Variants in NFIX observed in about 807,000 individuals in gnomAD.
NFIX encodes nuclear factor 1 X-type.
Under a neutral mutation model 53.3 loss-of-function variants are expected in NFIX, and 2 were observed. That is an observed-to-expected ratio of 0.04 (90% CI 0.02 to 0.12). The LOEUF is 0.12. Among genes scored for constraint, NFIX ranks in the 10% least tolerant of loss-of-function variants. The probability of loss-of-function intolerance (pLI) is 1.00; values close to 1 mark genes in which losing one functional copy is unlikely to be tolerated. For missense variants in NFIX, 310 were observed against 674.5 expected, an observed-to-expected ratio of 0.46 and a Z score of 5.99; for synonymous variants, 244 against 289.0, an observed-to-expected ratio of 0.84 and a Z score of 1.58.
rs2016585893 is a variant in NFIX, at chr19:13,068,783, G to A, written c.560-4264G>A. ...TGCAAAGTGGCCAGAACCATGGGCA[G>A]GGGAGGCCTCTGCCTCAGAGACATG... On this transcript the variant is annotated intron_variant, in intron 2 of 10. Transcript: ENST00000592199. This position sits in a 1 kb window ranked among gnomAD's most constrained non-coding sequence, Gnocchi z 4.2. Among the ~76,000 whole-genome samples the A allele has an allele frequency of 1.3e-5, 2 of 152,352 alleles. No individual in the cohort carries two copies. The highest frequency in any genetic ancestry group is 4.1e-4 in the South Asian group (2 of 4,830).
chr19:13,021,285 C>G lies in NFIX; in HGVS notation c.28-3736C>G, dbSNP rs1245846646. On this transcript the variant is annotated intron_variant, in intron 1 of 10. Coordinates refer to ENST00000592199, the MANE Select transcript of NFIX (RefSeq NM_001365902.3). This position sits in a 1 kb window ranked among gnomAD's most constrained non-coding sequence, Gnocchi z 4.2. ...TCTGATACCACCTGCCTTCTGTACT[C>G]TCACCTCTAACCGTTTCTTTCAGGG... 6.6e-6 allele frequency among the ~76,000 whole-genome samples: 1 copy of G among 152,150 alleles called. No individual in the cohort carries two copies. Among genetic ancestry groups the G allele is most frequent in the Non-Finnish European group, 1.5e-5 (1 of 68,024 alleles).
chr19:13,069,096 C>T (rs1482175650), intron 2 of NFIX, among the ~76,000 whole-genome samples: 1 of 152,236 alleles, frequency 6.6e-6, no homozygotes, highest in East Asian at 1.9e-4. Flanking sequence ...CCAGCACCAG[C>T]ATGGAGGGAA....
chr19:13,055,539 G>A (rs1200759813), intron 2 of NFIX, among the ~76,000 whole-genome samples: 2 of 152,218 alleles, frequency 1.3e-5, no homozygotes, highest in Non-Finnish European at 2.9e-5. Context: ...ACATGTGTCT[G>A]TGGAGTGAGG....
Position 13,025,617 on chromosome 19 carries a change from T to C in NFIX, c.559+65T>C, listed in dbSNP as rs1348308041. ...TCCTTGCTGGCATTTGTTCTGTTTA[T>C]TGTTCCTCTAATTTCCAAGCGATAA... On this transcript the variant is annotated intron_variant, in intron 2 of 10. Transcript: ENST00000592199. This position sits in a 1 kb window ranked among gnomAD's most constrained non-coding sequence, Gnocchi z 7.5. 5 of 1,551,890 alleles carry C rather than the reference T, an allele frequency of 3.2e-6. No homozygotes were observed. The Admixed American group carries it at 7.0e-5, about 22-fold the overall frequency.
rs1014309306 is a variant in NFIX at position 13,002,581 on chromosome 19, G to A, written c.27+6717G>A. Among the ~76,000 whole-genome samples the A allele has an allele frequency of 3.9e-5, 6 of 152,166 alleles. No homozygotes were observed. The highest frequency in any genetic ancestry group is 1.4e-4 in the African/African-American group (6 of 41,450). On this transcript the variant is annotated intron_variant, in intron 1 of 10. Coordinates refer to ENST00000592199, the MANE Select transcript of NFIX (RefSeq NM_001365902.3). This position sits in a 1 kb window ranked among gnomAD's most constrained non-coding sequence, Gnocchi z 6.1. The stretch of plus-strand genomic sequence containing the variant: ...CCGGCGGGGCGGGCGGGCAGGGAGG[G>A]GTCGGGGGCACGGAGCTGGGGTGTC...
rs1245108571 is a variant in NFIX at position 13,013,083 on chromosome 19, A to C, written c.28-11938A>C. Among the ~76,000 whole-genome samples, 1 of 151,812 alleles carries C rather than the reference A, an allele frequency of 6.6e-6. No homozygotes were observed. The highest frequency in any genetic ancestry group is 1.5e-5 in the Non-Finnish European group (1 of 67,926). On this transcript the variant is annotated intron_variant, in intron 1 of 10. Coordinates refer to ENST00000592199, the MANE Select transcript of NFIX (RefSeq NM_001365902.3). The surrounding 1 kb of genome is among the most constrained non-coding windows in gnomAD (Gnocchi z 5.9). ...AGACTCTAAAAAAAAAACCTTTAAA[A>C]ACCCAAAACCTCCCCTCCAAGTCCC...
At chr19:13,087,898 C>T in intron 8 of NFIX, 91 bp from the exon 9 acceptor site, 1 of 1,479,720 alleles carries the variant, frequency 6.8e-7, no homozygotes, top group Non-Finnish European at 9.1e-7. Context: ...GGAGCGCCCG[C>T]TCTCAGGAGC....
chr19:13,094,678 A>C lies in NFIX; in HGVS notation c.*29A>C, dbSNP rs1355004938. ...GATCGACAAAAGAAACAACAAAATG[A>C]GAAGAAGAGGTTCCTCGAAAGGGGG... On this transcript the variant is annotated 3_prime_UTR_variant, in exon 11 of 11. Coordinates refer to ENST00000592199, the MANE Select transcript of NFIX (RefSeq NM_001365902.3). The surrounding 1 kb of genome is among the most constrained non-coding windows in gnomAD (Gnocchi z 4.3). The C allele has an allele frequency of 6.5e-7, 1 of 1,534,498 alleles. No homozygotes were observed. The highest frequency in any genetic ancestry group is 1.2e-5 in the South Asian group (1 of 84,008).
At chr19:13,018,344 G>GGC (rs2012781122) in intron 1 of NFIX, among the ~76,000 whole-genome samples, 1 of 117,218 alleles carries the variant, frequency 8.5e-6, no homozygotes, top group Admixed American at 8.0e-5. Context: ...GCGGGGGGGG[G>GGC]GGGGGGGCGC....
At position 13,045,693 on chromosome 19, in the gene NFIX, C is replaced by T. The variant is rs531092109; in HGVS notation, c.559+20141C>T. Among the ~76,000 whole-genome samples the T allele has an allele frequency of 2.0e-5, 3 of 152,164 alleles. No individual in the cohort carries two copies. The highest frequency in any genetic ancestry group is 4.4e-5 in the Non-Finnish European group (3 of 68,012). On this transcript the variant is annotated intron_variant, in intron 2 of 10. Transcript: ENST00000592199. The surrounding 1 kb of genome is among the most constrained non-coding windows in gnomAD (Gnocchi z 4.4). ...TGGGTTGACAACTGCACTGTGTTGA[C>T]CCCATGGCGGGCATCAGGGGACCAC...
At chr19:13,056,797 A>C (rs1036774180) in intron 2 of NFIX, among the ~76,000 whole-genome samples, 1 of 152,250 alleles carries the variant, frequency 6.6e-6, no homozygotes, top group African/African-American at 2.4e-5. Context: ...AAGAATTTCA[A>C]GACAGCAACA....
chr19:13,082,994 C>T (rs1235591867), intron 8 of NFIX, among the ~76,000 whole-genome samples: 3 of 152,234 alleles, frequency 2.0e-5, no homozygotes, highest in Non-Finnish European at 4.4e-5. Context: ...CGCCTCCTCA[C>T]TCTGTCCCTA....
rs1396666525 is a variant in NFIX at position 13,044,940 on chromosome 19, C to A, written c.559+19388C>A. ...GGCTAAGGAGATCTGGGACAAGAGG[C>A]AGGTCAGGTTCCGGGGGTGAGGAGT... On this transcript the variant is annotated intron_variant, in intron 2 of 10. Coordinates refer to ENST00000592199, the MANE Select transcript of NFIX (RefSeq NM_001365902.3). Among the ~76,000 whole-genome samples the A allele has an allele frequency of 3.9e-5, 6 of 152,134 alleles. No individual in the cohort carries two copies. The East Asian group carries it at 1.2e-3, about 29-fold the overall frequency.
At position 13,043,993 on chromosome 19, in the gene NFIX, T is replaced by C. The variant is rs569244420; in HGVS notation, c.559+18441T>C. Among the ~76,000 whole-genome samples the C allele has an allele frequency of 7.9e-5, 12 of 152,074 alleles. No homozygotes were observed. In the South Asian group the frequency reaches 2.3e-3, roughly 29 times the overall value. The stretch of plus-strand genomic sequence containing the variant: ...TTAAAAAAAAAGAAAAAAGAGAAAA[T>C]CGGGCCTTATATCATTTTCTACATC... On this transcript the variant is annotated intron_variant, in intron 2 of 10. Transcript: ENST00000592199. The surrounding 1 kb of genome is among the most constrained non-coding windows in gnomAD (Gnocchi z 4.0).
At position 13,002,573 on chromosome 19, in the gene NFIX, C is replaced by CAGGG. The variant is rs1182332950; in HGVS notation, c.27+6714_27+6717dup. Among the ~76,000 whole-genome samples, 17 of 152,052 alleles carry CAGGG rather than the reference C, an allele frequency of 1.1e-4. No individual in the cohort carries two copies. Among genetic ancestry groups the CAGGG allele is most frequent in the Admixed American group, 3.3e-4 (5 of 15,286 alleles). ...TGAGCTGCCCGGCGGGGCGGGCGGG[C>CAGGG]AGGGAGGGGTCGGGGGCACGGAGCT... On this transcript the variant is annotated intron_variant, in intron 1 of 10. Coordinates refer to ENST00000592199, the MANE Select transcript of NFIX (RefSeq NM_001365902.3). This position sits in a 1 kb window ranked among gnomAD's most constrained non-coding sequence, Gnocchi z 6.1.
chr19:13,001,614 TCA>T lies in NFIX; in HGVS notation c.27+5756_27+5757del, dbSNP rs1225188502. Reference sequence around the variant, plus strand: ...ACGGCAAAGAGTGTATCCGTGTGTCTCACACACGTGTTGGCCTGTCCGTGTCA... The same window carrying T: ...ACGGCAAAGAGTGTATCCGTGTGTCTCACACGTGTTGGCCTGTCCGTGTCA... On this transcript the variant is annotated intron_variant, in intron 1 of 10. Transcript: ENST00000592199. The surrounding 1 kb of genome is among the most constrained non-coding windows in gnomAD (Gnocchi z 6.5). 2.0e-5 allele frequency among the ~76,000 whole-genome samples: 3 copies of T among 152,192 alleles called. No homozygotes were observed.
chr19:13,050,895 G>A (rs899611255), intron 2 of NFIX, among the ~76,000 whole-genome samples: 2 of 152,216 alleles, frequency 1.3e-5, no homozygotes, highest in Non-Finnish European at 2.9e-5. Context: ...CTCTAAGCAT[G>A]TGGCTGAGTA....
rs2013518839 is a variant in NFIX at position 13,028,189 on chromosome 19, C to T, written c.559+2637C>T. Among the ~76,000 whole-genome samples the T allele has an allele frequency of 6.6e-6, 1 of 152,266 alleles. No individual in the cohort carries two copies. The highest frequency in any genetic ancestry group is 1.5e-5 in the Non-Finnish European group (1 of 68,042). On this transcript the variant is annotated intron_variant, in intron 2 of 10. Transcript: ENST00000592199. This position sits in a 1 kb window ranked among gnomAD's most constrained non-coding sequence, Gnocchi z 4.2. The stretch of plus-strand genomic sequence containing the variant: ...AGCATCGATCTGTGGGCACCACTTT[C>T]TCCATGCCCATGCCTGCCAGGCACA...
Position 13,081,692 on chromosome 19 carries a change from C to A in NFIX, c.1091C>A (p.Ala364Asp). The change falls in exon 8 of 11, where the codon GCC (alanine) becomes GAC (aspartate). Residue 364 changes from alanine (A) to aspartate (D), a missense_variant. By Grantham distance (126) the Ala-to-Asp change is moderately radical. This residue lies in a region of NFIX where 164 missense variants were observed against 284.4 expected (regional missense o/e 0.58). Transcript: ENST00000592199. This position sits in a 1 kb window ranked among gnomAD's most constrained non-coding sequence, Gnocchi z 4.7. ...CACGTGCATGCAGGGAGCCCCCGGG[C>A]CACAGCATCAGCCCTGCACTTCCCC... is the stretch of plus-strand genomic sequence containing the variant. ...LAGVRPGSPR[A>D]TASALHFPST... 1 of 1,613,336 alleles carries A rather than the reference C, an allele frequency of 6.2e-7. No individual in the cohort carries two copies. Among genetic ancestry groups the A allele is most frequent in the Non-Finnish European group, 8.5e-7 (1 of 1,179,420 alleles).
Sources: allele counts gnomAD v4.1 joint callset (sites outside exome capture counted in the v4.1 genomes callset), GRCh38; gene constraint gnomAD v4.1.1; regional missense constraint gnomAD v4.1.1; non-coding constraint Gnocchi (gnomAD v3.1); transcripts MANE v1.5; gene names NCBI Gene and HGNC (gene_info 2026-07-23, HGNC 2026-07-21).